Variants in EPB41 observed in about 807,000 individuals in gnomAD.
EPB41 encodes erythrocyte membrane protein band 4.1.
EPB41 carries 65 observed loss-of-function variants against 108.0 expected under a neutral mutation model. That is an observed-to-expected ratio of 0.60 (90% confidence interval 0.49 to 0.74). EPB41 has a LOEUF of 0.74. EPB41 is among the 30% of genes least tolerant of loss of function. The pLI, the probability that EPB41 is intolerant of heterozygous loss-of-function variation, is 0.00. For missense variants in EPB41, 875 were observed against 1,037.0 expected (o/e 0.84, Z 2.15); for synonymous variants, 336 against 358.9 (o/e 0.94, Z 0.72).
chr1:29,058,974 G>A, intron 14 of EPB41, 122 bp downstream of exon 14: 1 of 956,948 alleles, frequency 1.0e-6, no homozygotes, highest in Non-Finnish European at 1.6e-6. Context: ...GTTGTTAATA[G>A]TTTCAAATAA....
At chr1:29,069,313 A>G (rs369226572) in intron 16 of EPB41, 26 of 1,231,388 alleles carry the variant, frequency 2.1e-5, no homozygotes, top group Admixed American at 8.4e-5. Context: ...TGTCTTGACT[A>G]TGGATAGCAG....
At chr1:28,972,022 C>A (rs554057108) in intron 1 of EPB41, among the ~76,000 whole-genome samples, 1 of 152,014 alleles carries the variant, frequency 6.6e-6, no homozygotes, top group Non-Finnish European at 1.5e-5. Context: ...AGGCTCACCA[C>A]CCCATACCCA....
Position 29,058,838 on chromosome 1 carries a change from A to T in EPB41, c.1930A>T (p.Ile644Leu). 6 of 1,550,978 alleles carry T rather than the reference A, an allele frequency of 3.9e-6. No homozygotes were observed. Among genetic ancestry groups the T allele is most frequent in the Non-Finnish European group, 5.2e-6 (6 of 1,146,770 alleles). The change falls in exon 14 of 21, where the codon ATA (isoleucine) becomes TTA (leucine). Residue 644 changes from isoleucine to leucine, a missense_variant. Ile to Leu is a conservative substitution (Grantham distance 5). Coordinates refer to ENST00000343067, the MANE Select transcript of EPB41 (RefSeq NM_001376013.1). ...GCTTGCAGAAAAAACTGAAGATCTGATAAGAATGAGGAAGGTTAGCCATTT... is the reference window on the plus strand; with the variant it reads ...GCTTGCAGAAAAAACTGAAGATCTGTTAAGAATGAGGAAGGTTAGCCATTT... ...QKLAEKTEDLIRMRKKKRERL... is the reference protein window; with the variant it reads ...QKLAEKTEDLLRMRKKKRERL...
chr1:29,087,280 CCTTA>C (rs764539992), intron 16 of EPB41, among the ~76,000 whole-genome samples: 1 of 151,838 alleles, frequency 6.6e-6, no homozygotes, highest in Non-Finnish European at 1.5e-5. Context: ...ATATGTAAAT[CCTTA>C]CTTCAAAAAT....
Position 28,993,509 on chromosome 1 carries a change from G to A in EPB41, c.648G>A (p.Leu216=). The A allele has an allele frequency of 1.2e-6, 2 of 1,614,094 alleles. No homozygotes were observed. The highest frequency in any genetic ancestry group is 1.7e-6 in the Non-Finnish European group (2 of 1,180,014). The part of the protein sequence containing the change: ...KHRNMHCKVS[L]LDDTVYECVV... ...GGAACATGCACTGCAAGGTTTCTTT[G>A]TTGGATGACACAGTTTATGAATGTG... Residue 216 remains leucine, a synonymous_variant, in exon 3 of 21, where the codon TTG becomes TTA. Coordinates refer to ENST00000343067, the MANE Select transcript of EPB41 (RefSeq NM_001376013.1).
chr1:28,947,980 T>G lies in EPB41; in HGVS notation c.-8+33212T>G, dbSNP rs1429226439. ...GGTTTGCTACAAATTGAAATGGGTG[T>G]TTTTTTTTTCATGTTCTTTTTAAAC... On this transcript the variant is annotated intron_variant, in intron 1 of 20. Coordinates refer to ENST00000343067, the MANE Select transcript of EPB41 (RefSeq NM_001376013.1). Among the ~76,000 whole-genome samples, 6 of 149,878 alleles carry G rather than the reference T, an allele frequency of 4.0e-5. No homozygotes were observed. In the East Asian group the frequency reaches 7.8e-4, roughly 20 times the overall value.
rs748437822 is a variant in EPB41, at chr1:29,017,296, TTATAA to T, written c.906-925_906-921del. Among the ~76,000 whole-genome samples the T allele has an allele frequency of 2.5e-4, 38 of 152,344 alleles. No individual in the cohort carries two copies. The Middle Eastern group carries it at 0.01, about 41-fold the overall frequency. On this transcript the variant is annotated intron_variant, in intron 6 of 20. Transcript: ENST00000343067. ...TTATAGCAAAATGTTATTTAATATC[TTATAA>T]TAGAAGCAAAGATATGATTCTAATT...
chr1:28,916,380 A>G (rs2092673531), intron 1 of EPB41, among the ~76,000 whole-genome samples: 1 of 152,196 alleles, frequency 6.6e-6, no homozygotes, highest in East Asian at 1.9e-4. Context: ...TCACGCCTGT[A>G]ATCCCAGCAC....
intron 18 of EPB41, chr1:29,109,708 G>GGACT: frequency 2.1e-6 from 1 of 485,150 alleles, no homozygotes; most frequent in South Asian, 2.1e-5. Flanking sequence ...TCTGGTCAGT[G>GGACT]AGTCCCCTGT....
chr1:28,935,550 A>G (rs2093986296), intron 1 of EPB41, among the ~76,000 whole-genome samples: 1 of 147,670 alleles, frequency 6.8e-6, no homozygotes, highest in African/African-American at 2.5e-5. Context: ...TCCTTTTGCC[A>G]TATTCATTCC....
chr1:28,975,908 T>C (rs2095594565), intron 1 of EPB41, among the ~76,000 whole-genome samples: 1 of 125,448 alleles, frequency 8.0e-6, no homozygotes, highest in Non-Finnish European at 1.5e-5. Flanking sequence ...GCCACTGCAC[T>C]CCAGCCTGGG....
chr1:28,894,537 G>A (rs772123963), intron 1 of EPB41, among the ~76,000 whole-genome samples: 1 of 152,126 alleles, frequency 6.6e-6, no homozygotes, highest in Non-Finnish European at 1.5e-5. Flanking sequence ...GCACAGAGAG[G>A]GGCCTGGCAA....
At chr1:28,909,867 G>T (rs372585268), upstream of EPB41, among the ~76,000 whole-genome samples, 5 of 152,080 alleles carry the variant, frequency 3.3e-5, no homozygotes, top group Non-Finnish European at 7.4e-5. Flanking sequence ...TCTCATGCTT[G>T]AGACCAGGAG....
At chr1:29,067,112 T>A (rs1004651761) in intron 16 of EPB41, among the ~76,000 whole-genome samples, 3 of 151,230 alleles carry the variant, frequency 2.0e-5, no homozygotes, top group Non-Finnish European at 4.4e-5. Context: ...CCTAGCACTT[T>A]GGGAGGCTGA....
chr1:28,944,464 C>T (rs1264045221), intron 1 of EPB41, among the ~76,000 whole-genome samples: 3 of 151,450 alleles, frequency 2.0e-5, no homozygotes, highest in Non-Finnish European at 4.4e-5. Context: ...ATCAAATCAT[C>T]TCACATACCC....
intron 1 of EPB41, among the ~76,000 whole-genome samples, chr1:28,967,179 C>G (rs902008562): frequency 6.6e-6 from 1 of 152,094 alleles, no homozygotes; most frequent in African/African-American, 2.4e-5. Context: ...CCACCACACC[C>G]GGCTAAGTTT....
At chr1:28,968,068 T>G (rs541717235) in intron 1 of EPB41, among the ~76,000 whole-genome samples, 1 of 152,204 alleles carries the variant, frequency 6.6e-6, no homozygotes, top group African/African-American at 2.4e-5. Context: ...TTTTTAAAAC[T>G]TCGTTTTTGG....
Position 28,993,376 on chromosome 1 carries a change from AAGG to A in EPB41, c.518_520del (p.Gly173del), listed in dbSNP as rs753385565. On this transcript the variant is annotated inframe_deletion, in exon 3 of 21. Coordinates refer to ENST00000343067, the MANE Select transcript of EPB41 (RefSeq NM_001376013.1). ...GAAGATCCAGATTTTGAAATTAAGG[AAGG>A]AGAAGGACTTGAAGAGTGCTCCAAA... 14 of 1,613,458 alleles carry A rather than the reference AAGG, an allele frequency of 8.7e-6. No homozygotes were observed. The highest frequency in any genetic ancestry group is 2.2e-5 in the East Asian group (1 of 44,880).
chr1:29,074,666 A>G (rs1489602267), intron 16 of EPB41, among the ~76,000 whole-genome samples: 3 of 152,250 alleles, frequency 2.0e-5, no homozygotes, highest in Non-Finnish European at 4.4e-5. Context: ...AGTGGCTATG[A>G]TCAACAATTA....
Sources: gnomAD v4.1 joint callset for allele counts (sites outside exome capture counted in the v4.1 genomes callset) on GRCh38, gnomAD v4.1.1 for gene constraint, MANE v1.5 for transcripts, NCBI Gene and HGNC (gene_info 2026-07-23, HGNC 2026-07-21) for gene names.